Variants in NRXN2 observed in about 807,000 individuals in gnomAD.
NRXN2 encodes the protein neurexin 2.
Under a neutral mutation model 128.8 loss-of-function variants are expected in NRXN2, and 29 were observed. That is an observed-to-expected ratio of 0.23 (90% confidence interval 0.17 to 0.31). The LOEUF (loss-of-function observed/expected upper bound fraction) is 0.31, where lower values mean the gene tolerates loss of function less well. Ranked by LOEUF, NRXN2 falls within the 10% of genes least tolerant of loss-of-function variation. The pLI is 1.00. For missense variants in NRXN2, 1,881 were observed against 2,452.6 expected (o/e 0.77, Z 4.92); for synonymous variants, 1,098 against 1,075.2 (o/e 1.02, Z -0.41).
At chr11:64,694,307 T>C (rs1290753273) in intron 3 of NRXN2, among the ~76,000 whole-genome samples, 1 of 152,196 alleles carries the variant, frequency 6.6e-6, no homozygotes, top group African/African-American at 2.4e-5. Flanking sequence ...CAATGAGATG[T>C]GAACCCTAGG....
intron 17 of NRXN2, among the ~76,000 whole-genome samples, chr11:64,639,362 CT>C (rs199872845): frequency 0.029 from 4,397 of 152,250 alleles, 100 homozygotes; most frequent in Non-Finnish European, 0.044. Context: ...TTAACACACC[CT>C]GTTCAGAAAC....
At position 64,622,698 on chromosome 11, in the gene NRXN2, C is replaced by G. The variant is rs2042540626; in HGVS notation, c.4173+55G>C. 4 of 1,571,190 alleles carry G rather than the reference C, an allele frequency of 2.5e-6. No individual in the cohort carries two copies. In the South Asian group the frequency reaches 4.6e-5, roughly 18 times the overall value. On this transcript the variant is annotated intron_variant, in intron 21 of 22. Transcript: ENST00000265459. The surrounding 1 kb of genome is among the most constrained non-coding windows in gnomAD (Gnocchi z 4.3). Reference sequence around the variant, plus strand: ...ACCACTACTGTGGCTATGCAGATATCAACCCCATCCCCACCTATCCCTGCC... The same window carrying G: ...ACCACTACTGTGGCTATGCAGATATGAACCCCATCCCCACCTATCCCTGCC...
chr11:64,648,182 T>C lies in NRXN2; in HGVS notation c.3403+37A>G. 6.2e-7 allele frequency: 1 copy of C among 1,613,846 alleles called. No homozygotes were observed. Among genetic ancestry groups the C allele is most frequent in the Non-Finnish European group, 8.5e-7 (1 of 1,179,974 alleles). ...CCCTATGGCTGGGAATGGACCCTGG[T>C]CTCCCCAAACTGCCCCCAGCCCTCC... is the stretch of plus-strand genomic sequence containing the variant. On this transcript the variant is annotated intron_variant, in intron 17 of 22. Transcript: ENST00000265459. The surrounding 1 kb of genome is among the most constrained non-coding windows in gnomAD (Gnocchi z 4.1).
chr11:64,673,580 A>G (rs997344230), intron 7 of NRXN2, among the ~76,000 whole-genome samples: 1 of 152,238 alleles, frequency 6.6e-6, no homozygotes, highest in Non-Finnish European at 1.5e-5. Context: ...TTTATCAGTC[A>G]GTATTGCTCA....
intron 7 of NRXN2, among the ~76,000 whole-genome samples, chr11:64,672,361 G>A (rs964060181): frequency 2.0e-5 from 3 of 152,244 alleles, no homozygotes; most frequent in African/African-American, 4.8e-5. Flanking sequence ...GCCTTAGGAA[G>A]AAAGGCTGAG....
At chr11:64,616,204 T>C (rs960784548) in intron 22 of NRXN2, among the ~76,000 whole-genome samples, 7 of 152,188 alleles carry the variant, frequency 4.6e-5, no homozygotes, top group Non-Finnish European at 8.8e-5. Flanking sequence ...TGTGTACATG[T>C]GGGCATGCCT....
rs184677908 is a variant in NRXN2, at chr11:64,623,929, T to G, written c.3848-851A>C. 1 of 152,404 alleles carries G rather than the reference T, an allele frequency of 6.6e-6. No homozygotes were observed. The highest frequency in any genetic ancestry group is 2.4e-5 in the African/African-American group (1 of 41,592). The allele number at this position is 152,404 out of a possible 1,614,324, so 9.4% of individuals were successfully genotyped here. On this transcript the variant is annotated intron_variant, in intron 20 of 22. Coordinates refer to ENST00000265459, the MANE Select transcript of NRXN2 (RefSeq NM_015080.4). This position sits in a 1 kb window ranked among gnomAD's most constrained non-coding sequence, Gnocchi z 4.9. ...CTGGGTGGGGTTGGGCTGTTCTGTT[T>G]GTTTTTAGTGGATCTGGGGGTCGGT...
At chr11:64,664,117 T>C (rs1184294665) in intron 9 of NRXN2, among the ~76,000 whole-genome samples, 2 of 152,292 alleles carry the variant, frequency 1.3e-5, no homozygotes, top group East Asian at 1.9e-4. Flanking sequence ...AGATAAACAA[T>C]AGTTACCAGT....
intron 4 of NRXN2, among the ~76,000 whole-genome samples, chr11:64,691,543 TC>T (rs951232591): frequency 2.6e-5 from 4 of 152,110 alleles, no homozygotes; most frequent in Non-Finnish European, 5.9e-5. Context: ...CAGTTGCAAA[TC>T]CCCAAACTTG....
At position 64,660,352 on chromosome 11, in the gene NRXN2, A is replaced by G; in HGVS notation, c.2369T>C (p.Met790Thr). 1 of 1,613,836 alleles carries G rather than the reference A, an allele frequency of 6.2e-7. No homozygotes were observed. The highest frequency in any genetic ancestry group is 8.5e-7 in the Non-Finnish European group (1 of 1,179,988). Residue 790 changes from methionine to threonine, a missense_variant, in exon 11 of 23, where the codon ATG (methionine) becomes ACG (threonine). By Grantham distance (81) the Met-to-Thr change is moderately conservative. Around this residue, in one of 7 missense-constraint regions of NRXN2, gnomAD observed 997 missense variants for 1,240.8 expected, o/e 0.80. Transcript: ENST00000265459. This position sits in a 1 kb window ranked among gnomAD's most constrained non-coding sequence, Gnocchi z 5.2. ...GTTACCGAGGTTGACAGTGAGCTTCATCTGCCCCCCATCCAGCTCCAGGCG... is the reference window on the plus strand; with the variant it reads ...GTTACCGAGGTTGACAGTGAGCTTCGTCTGCCCCCCATCCAGCTCCAGGCG... ...TLRLELDGGQ[M>T]KLTVNLDCLR...
intron 20 of NRXN2, 116 bp downstream of exon 20, chr11:64,626,347 C>G (rs2043064866): frequency 1.3e-6 from 1 of 789,604 alleles, no homozygotes; most frequent in African/African-American, 1.7e-5. Context: ...GGCCAATTGT[C>G]CCTTCACTTG....
intron 7 of NRXN2, among the ~76,000 whole-genome samples, chr11:64,673,933 G>A (rs2050955543): frequency 6.6e-6 from 1 of 151,600 alleles, no homozygotes; most frequent in South Asian, 2.1e-4. Flanking sequence ...AGCTACTCAG[G>A]AGGCTGAGGC....
Position 64,623,384 on chromosome 11 carries a change from T to G in NRXN2, c.3848-306A>C. On this transcript the variant is annotated intron_variant, in intron 20 of 22. Coordinates refer to ENST00000265459, the MANE Select transcript of NRXN2 (RefSeq NM_015080.4). The surrounding 1 kb of genome is among the most constrained non-coding windows in gnomAD (Gnocchi z 4.9). ...TGTGCAAGCCTTCCCACCTTCCCCA[T>G]TCCCTCTCCTCTCCAGCTCCAAGGT... 25 of 445,384 alleles carry G rather than the reference T, an allele frequency of 5.6e-5. No homozygotes were observed. Among genetic ancestry groups the G allele is most frequent in the Middle Eastern group, 6.1e-4 (1 of 1,638 alleles). The allele number at this position is 445,384 out of a possible 1,614,324, so 27.6% of individuals were successfully genotyped here.
chr11:64,655,552 AG>A (rs1371066857), intron 11 of NRXN2, among the ~76,000 whole-genome samples: 96 of 152,220 alleles, frequency 6.3e-4, no homozygotes, highest in African/African-American at 2.2e-3. Flanking sequence ...GTCCAAAAAA[AG>A]AAAAAAGGGG....
intron 6 of NRXN2, among the ~76,000 whole-genome samples, chr11:64,677,493 G>A (rs1178342925): frequency 6.6e-6 from 1 of 152,160 alleles, no homozygotes; most frequent in Non-Finnish European, 1.5e-5. Flanking sequence ...GAGACAGAAA[G>A]GTTAGTTCGG....
chr11:64,617,997 G>A (rs573381017), intron 22 of NRXN2, among the ~76,000 whole-genome samples: 1 of 152,224 alleles, frequency 6.6e-6, no homozygotes, highest in East Asian at 1.9e-4. Flanking sequence ...ATGGCTATCA[G>A]CCCCTCTCTA....
intron 1 of NRXN2, among the ~76,000 whole-genome samples, chr11:64,716,615 A>C (rs2057311505): frequency 6.6e-6 from 1 of 152,078 alleles, no homozygotes; most frequent in African/African-American, 2.4e-5. Flanking sequence ...GGCTGGGCTT[A>C]TGTGGTGCCT....
At chr11:64,649,228 T>TAA (rs2047133167) in intron 15 of NRXN2, among the ~76,000 whole-genome samples, 1 of 152,172 alleles carries the variant, frequency 6.6e-6, no homozygotes, top group Non-Finnish European at 1.5e-5. Flanking sequence ...AATCAGGGCC[T>TAA]TTCATAGATG....
At chr11:64,624,277 T>A (rs1421970845) in intron 20 of NRXN2, among the ~76,000 whole-genome samples, 1 of 152,198 alleles carries the variant, frequency 6.6e-6, no homozygotes, top group Non-Finnish European at 1.5e-5. Flanking sequence ...GGAAACAGGT[T>A]CTCTGGGACA....
Sources: allele counts gnomAD v4.1 joint callset (sites outside exome capture counted in the v4.1 genomes callset), GRCh38; gene constraint gnomAD v4.1.1; regional missense constraint gnomAD v4.1.1; non-coding constraint Gnocchi (gnomAD v3.1); transcripts MANE v1.5; gene names NCBI Gene and HGNC (gene_info 2026-07-23, HGNC 2026-07-21).